The following CALN1 variants were observed in gnomAD, a reference collection of about 807,000 sequenced individuals.
CALN1 encodes the protein calcium-binding protein 8.
CALN1 carries 17 observed loss-of-function variants against 30.6 expected under a neutral mutation model. The observed-to-expected ratio is 0.56, with a 90% CI of 0.38 to 0.83. CALN1 has a LOEUF of 0.83. Among genes scored for constraint, CALN1 ranks in the 40% least tolerant of loss-of-function variants. CALN1 has a pLI of 0.00. For synonymous variants in CALN1, 156 were observed against 131.4 expected (o/e 1.19, Z -1.28); for missense variants, 291 against 354.9 (o/e 0.82, Z 1.45).
chr7:72,325,684 T>G (rs1434268116), intron 2 of CALN1, among the ~76,000 whole-genome samples: 1 of 152,160 alleles, frequency 6.6e-6, no homozygotes, highest in African/African-American at 2.4e-5. Context: ...AGTCAGTTAG[T>G]TGCCTAGGTA....
the CALN1 span, among the ~76,000 whole-genome samples, chr7:72,476,758 C>T: frequency 6.6e-6 from 1 of 152,340 alleles, no homozygotes; most frequent in African/African-American, 2.4e-5. Flanking sequence ...ACACCTACCA[C>T]GTGCCAGGCA....
Position 72,404,173 on chromosome 7 carries a change from T to A in CALN1, c.-73-731A>T, listed in dbSNP as rs148359695. Among the ~76,000 whole-genome samples the A allele has an allele frequency of 1.4e-3, 209 of 152,298 alleles. 1 individual carries two copies. The highest frequency in any genetic ancestry group is 4.9e-3 in the African/African-American group (203 of 41,574). The stretch of plus-strand genomic sequence containing the variant: ...GTTGTCCTTGACCTGGCCCTCTCCC[T>A]TGGTTGGGTTAAGGCACCCCTCGTC... On this transcript the variant is annotated intron_variant, in intron 1 of 6. Coordinates refer to ENST00000395275, the MANE Select transcript of CALN1 (RefSeq NM_031468.4).
chr7:71,929,732 T>C (rs530223632), intron 5 of CALN1, among the ~76,000 whole-genome samples: 2 of 152,358 alleles, frequency 1.3e-5, no homozygotes, highest in East Asian at 1.9e-4. Flanking sequence ...TGTGGATGTA[T>C]GTTTTTATTT....
chr7:72,387,125 T>C (rs955124460), intron 2 of CALN1, among the ~76,000 whole-genome samples: 5 of 125,622 alleles, frequency 4.0e-5, no homozygotes, highest in African/African-American at 1.2e-4. Context: ...TACTGGATCA[T>C]AACCCAAAGT....
intron 5 of CALN1, among the ~76,000 whole-genome samples, chr7:71,855,731 C>T (rs1034866452): frequency 1.3e-5 from 2 of 152,068 alleles, no homozygotes; most frequent in African/African-American, 4.8e-5. Flanking sequence ...CTACCCTATA[C>T]CTTACTTATT....
At chr7:72,407,324 T>C (rs1806767130) in intron 1 of CALN1, among the ~76,000 whole-genome samples, 2 of 152,202 alleles carry the variant, frequency 1.3e-5, no homozygotes, top group African/African-American at 4.8e-5. Context: ...AGGTGCTACA[T>C]ATGCTAGCCA....
At chr7:72,175,735 C>CT (rs1789303148) in intron 3 of CALN1, among the ~76,000 whole-genome samples, 1 of 151,902 alleles carries the variant, frequency 6.6e-6, no homozygotes, top group African/African-American at 2.4e-5. Flanking sequence ...TAAGTTCCAG[C>CT]TCCCTTTCTA....
intron 5 of CALN1, among the ~76,000 whole-genome samples, chr7:71,981,841 C>T (rs1798412759): frequency 6.6e-6 from 1 of 151,914 alleles, no homozygotes; most frequent in Non-Finnish European, 1.5e-5. Context: ...GGAGGAAAAC[C>T]CCTGCGCATC....
chr7:72,130,543 T>G (rs1420378134), intron 3 of CALN1, among the ~76,000 whole-genome samples: 1 of 152,100 alleles, frequency 6.6e-6, no homozygotes, highest in Non-Finnish European at 1.5e-5. Context: ...CCATTAAAAG[T>G]ATGGACAAAA....
rs6960934 is a variant in CALN1, at chr7:71,963,099, C to T, written c.501+60558G>A. 7.0e-3 allele frequency among the ~76,000 whole-genome samples: 1,066 copies of T among 152,230 alleles called. 7 individuals carry two copies. The highest frequency in any genetic ancestry group is 0.024 in the African/African-American group (991 of 41,534). ...GGTAAACCTGGAAAGTTTACTCTTG[C>T]TAGTGTCACAAAATTAGGGTCACCT... is the stretch of plus-strand genomic sequence containing the variant. On this transcript the variant is annotated intron_variant, in intron 5 of 6. Transcript: ENST00000395275.
chr7:72,245,646 A>C (rs1055931904), intron 3 of CALN1, among the ~76,000 whole-genome samples: 19 of 151,822 alleles, frequency 1.3e-4, no homozygotes, highest in African/African-American at 4.3e-4. Flanking sequence ...AAATAAATAA[A>C]TAAATAAATA....
chr7:72,188,065 G>C (rs528094512), intron 3 of CALN1, among the ~76,000 whole-genome samples: 19 of 152,250 alleles, frequency 1.2e-4, no homozygotes, highest in African/African-American at 4.6e-4. Flanking sequence ...ACAGTGTGGA[G>C]ATTTCTTAAA....
At chr7:72,125,297 G>A (rs1291616811) in intron 3 of CALN1, among the ~76,000 whole-genome samples, 1 of 152,150 alleles carries the variant, frequency 6.6e-6, no homozygotes, top group African/African-American at 2.4e-5. Flanking sequence ...TTACAGGCGT[G>A]AGCCACCACA....
intron 5 of CALN1, among the ~76,000 whole-genome samples, chr7:71,969,427 A>AT (rs1243029633): frequency 6.6e-6 from 1 of 152,164 alleles, no homozygotes; most frequent in African/African-American, 2.4e-5. Context: ...GAGACTAAGT[A>AT]TTTTTTTAAT....
intron 4 of CALN1, among the ~76,000 whole-genome samples, chr7:72,053,753 C>T (rs1802991119): frequency 6.6e-6 from 1 of 152,128 alleles, no homozygotes; most frequent in South Asian, 2.1e-4. Flanking sequence ...GCAGTATACA[C>T]TGCACCATAT....
intron 4 of CALN1, among the ~76,000 whole-genome samples, chr7:72,028,156 C>T (rs937535240): frequency 3.9e-5 from 6 of 151,910 alleles, no homozygotes; most frequent in African/African-American, 1.4e-4. Context: ...ACCATTCTCT[C>T]CCACTTGGGA....
rs1440137350 is a variant in CALN1 at position 72,302,905 on chromosome 7, A to AAAC, written c.120-24096_120-24095insGTT. On this transcript the variant is annotated intron_variant, in intron 2 of 6. Transcript: ENST00000395275. ...AGAGTGAGGGTCTCAAAAAAAAAAAAAAAAAAAAAAAACGAAAAGAATCCG... is the reference window on the plus strand; with the variant it reads ...AGAGTGAGGGTCTCAAAAAAAAAAAAAACAAAAAAAAAAAACGAAAAGAATCCG... 2.0e-5 allele frequency among the ~76,000 whole-genome samples: 3 copies of AAAC among 149,986 alleles called. 1 individual carries two copies. Among genetic ancestry groups the AAAC allele is most frequent in the Non-Finnish European group, 4.4e-5 (3 of 67,444 alleles).
At chr7:71,797,418 TG>T (rs1786996044) in intron 6 of CALN1, among the ~76,000 whole-genome samples, 1 of 152,174 alleles carries the variant, frequency 6.6e-6, no homozygotes, top group South Asian at 2.1e-4. Context: ...CACCCTAAAA[TG>T]GAACTAATTA....
chr7:72,463,523 A>G, the CALN1 span, among the ~76,000 whole-genome samples: 5 of 152,042 alleles, frequency 3.3e-5, no homozygotes, highest in African/African-American at 1.2e-4. Flanking sequence ...ACTCCCCCCA[A>G]CATTGGAGTT....
Sources: allele counts gnomAD v4.1 joint callset (sites outside exome capture counted in the v4.1 genomes callset), GRCh38; gene constraint gnomAD v4.1.1; transcripts MANE v1.5; gene names NCBI Gene and HGNC (gene_info 2026-07-23, HGNC 2026-07-21).